The following ABTB2 variants were observed in gnomAD, a reference collection of about 807,000 sequenced individuals.
ABTB2 encodes ankyrin repeat and BTB/POZ domain-containing protein 2.
ABTB2 carries 56 observed loss-of-function variants against 104.1 expected under a neutral mutation model. That is an observed-to-expected ratio of 0.54 (90% CI 0.43 to 0.67). The LOEUF (loss-of-function observed/expected upper bound fraction) is 0.67, where lower values mean the gene tolerates loss of function less well. ABTB2 is among the 30% of genes least tolerant of loss of function. ABTB2 has a pLI of 0.00. For synonymous variants in ABTB2, 606 were observed against 608.2 expected, an observed-to-expected ratio of 1.00 and a Z score of 0.05; for missense variants, 1,279 against 1,407.7, an observed-to-expected ratio of 0.91 and a Z score of 1.46.
intron 1 of ABTB2, among the ~76,000 whole-genome samples, chr11:34,286,356 G>A (rs1459881570): frequency 1.3e-5 from 2 of 152,096 alleles, no homozygotes; most frequent in East Asian, 1.9e-4. Context: ...TCAGTGGCAC[G>A]ATCTCGGCTC....
At chr11:34,284,859 G>T (rs1469244521) in intron 1 of ABTB2, among the ~76,000 whole-genome samples, 2 of 152,254 alleles carry the variant, frequency 1.3e-5, no homozygotes, top group Non-Finnish European at 2.9e-5. Context: ...ACCGCCTGGA[G>T]CCAGAGGGGT....
intron 1 of ABTB2, among the ~76,000 whole-genome samples, chr11:34,322,892 G>T (rs931640623): frequency 6.6e-6 from 1 of 151,940 alleles, no homozygotes; most frequent in African/African-American, 2.4e-5. Flanking sequence ...TTGCCTAGGT[G>T]GGAACAAATG....
At position 34,356,747 on chromosome 11, in the gene ABTB2, G is replaced by T; in HGVS notation, c.837C>A (p.Gly279=). The change falls in exon 1 of 17, where the codon GGC becomes GGA. Residue 279 remains glycine, a synonymous_variant. Transcript: ENST00000435224. This position sits in a 1 kb window ranked among gnomAD's most constrained non-coding sequence, Gnocchi z 4.6. The part of the protein sequence containing the change: ...MVINNDAELW[G]VLQPYEHLIC... ...TGAGATGCTCATAGGGCTGCAAGAC[G>T]CCCCAGAGCTCGGCGTCGTTGTTGA... 1 of 1,610,364 alleles carries T rather than the reference G, an allele frequency of 6.2e-7. No individual in the cohort carries two copies. Among genetic ancestry groups the T allele is most frequent in the Non-Finnish European group, 8.5e-7 (1 of 1,177,836 alleles).
At chr11:34,159,846 A>G (rs1852683188) in intron 13 of ABTB2, 60 bp downstream of exon 13, 1 of 1,372,704 alleles carries the variant, frequency 7.3e-7, no homozygotes, top group Non-Finnish European at 1.0e-6. Context: ...GTCACCTGGA[A>G]TCTGAAACAA....
At chr11:34,317,389 T>C (rs916840346) in intron 1 of ABTB2, among the ~76,000 whole-genome samples, 1 of 152,142 alleles carries the variant, frequency 6.6e-6, no homozygotes, top group Non-Finnish European at 1.5e-5. Flanking sequence ...CTTGTATTTT[T>C]CCCTTGATTG....
rs368170125 is a variant in ABTB2 at position 34,232,414 on chromosome 11, C to A, written c.884-27724G>T. On this transcript the variant is annotated intron_variant, in intron 1 of 16. Coordinates refer to ENST00000435224, the MANE Select transcript of ABTB2 (RefSeq NM_145804.3). ...GCAGTGAGCTGAGATCGCGCCACTG[C>A]ACTCCAGCCTGGGCAATAGAGGGAG... Among the ~76,000 whole-genome samples, 11 of 148,756 alleles carry A rather than the reference C, an allele frequency of 7.4e-5. No individual in the cohort carries two copies. The East Asian group carries it at 1.4e-3, about 19-fold the overall frequency.
At chr11:34,345,042 C>T (rs1037896177) in intron 1 of ABTB2, among the ~76,000 whole-genome samples, 1 of 152,206 alleles carries the variant, frequency 6.6e-6, no homozygotes, top group Non-Finnish European at 1.5e-5. Flanking sequence ...ATACTAAAGT[C>T]AATTTCCAAC....
At chr11:34,351,765 A>G (rs1369503576) in intron 1 of ABTB2, among the ~76,000 whole-genome samples, 2 of 152,060 alleles carry the variant, frequency 1.3e-5, no homozygotes, top group Non-Finnish European at 2.9e-5. Context: ...AGACACACAC[A>G]AGCAGGAAAT....
rs1428664663 is a variant in ABTB2, at chr11:34,333,994, C to A, written c.883+22707G>T. Among the ~76,000 whole-genome samples the A allele has an allele frequency of 4.9e-5, 7 of 143,588 alleles. No homozygotes were observed. The Admixed American group carries it at 5.0e-4, about 10-fold the overall frequency. 94.2% of individuals were successfully genotyped at this position (143,588 alleles called of 152,430 possible). On this transcript the variant is annotated intron_variant, in intron 1 of 16. Coordinates refer to ENST00000435224, the MANE Select transcript of ABTB2 (RefSeq NM_145804.3). ...AACATCTTGGTGCTTCCCCTTTCCACTAAGGGAAGGGAGCCACAGGTGAAA... is the reference window on the plus strand; with the variant it reads ...AACATCTTGGTGCTTCCCCTTTCCAATAAGGGAAGGGAGCCACAGGTGAAA...
At chr11:34,336,074 C>T in intron 1 of ABTB2, 1 of 350,872 alleles carries the variant, frequency 2.9e-6, no homozygotes. Context: ...CCACTGTCTC[C>T]AGCTGTCCCA....
At position 34,154,772 on chromosome 11, in the gene ABTB2, G is replaced by C; in HGVS notation, c.2698-3C>G. 6.2e-7 allele frequency: 1 copy of C among 1,614,062 alleles called. No individual in the cohort carries two copies. The highest frequency in any genetic ancestry group is 8.5e-7 in the Non-Finnish European group (1 of 1,179,934). ...TAGTACAGATACTGCATCATCATCT[G>C]TGGTGGGAAGAGGCCCATGTGAATG... On this transcript the variant is annotated splice_region_variant and splice_polypyrimidine_tract_variant and intron_variant, in intron 14 of 16. Coordinates refer to ENST00000435224, the MANE Select transcript of ABTB2 (RefSeq NM_145804.3). This position sits in a 1 kb window ranked among gnomAD's most constrained non-coding sequence, Gnocchi z 4.9.
At chr11:34,303,636 C>CTTTTTTTTTT (rs35677380) in intron 1 of ABTB2, among the ~76,000 whole-genome samples, 1 of 79,088 alleles carries the variant, frequency 1.3e-5, no homozygotes, top group Non-Finnish European at 2.2e-5. Context: ...ACTATGGGTG[C>CTTTTTTTTTT]TTTTTTTTTT....
intron 1 of ABTB2, among the ~76,000 whole-genome samples, chr11:34,355,222 C>T (rs1055835053): frequency 6.6e-6 from 1 of 152,028 alleles, no homozygotes; most frequent in Non-Finnish European, 1.5e-5. Context: ...CTGGGCTAAT[C>T]AAAAAACAAA....
chr11:34,154,474 T>A lies in ABTB2; in HGVS notation c.2767-96A>T. On this transcript the variant is annotated intron_variant, in intron 15 of 16. Transcript: ENST00000435224. This position sits in a 1 kb window ranked among gnomAD's most constrained non-coding sequence, Gnocchi z 4.9. ...AGCTCCCGAGTGCCGTGTGCCCTGCTGCCTCCACCCTCAGGCCCCACTACC... is the reference window on the plus strand; with the variant it reads ...AGCTCCCGAGTGCCGTGTGCCCTGCAGCCTCCACCCTCAGGCCCCACTACC... 3 of 955,222 alleles carry A rather than the reference T, an allele frequency of 3.1e-6. No individual in the cohort carries two copies. Among genetic ancestry groups the A allele is most frequent in the Non-Finnish European group, 4.8e-6 (3 of 619,426 alleles). The allele number at this position is 955,222 out of a possible 1,614,324, so 59.2% of individuals were successfully genotyped here.
chr11:34,289,554 GA>G (rs1235102544), intron 1 of ABTB2, among the ~76,000 whole-genome samples: 9 of 152,252 alleles, frequency 5.9e-5, no homozygotes, highest in African/African-American at 1.9e-4. Flanking sequence ...AGCAGAGTTG[GA>G]ATTTACCCAT....
At chr11:34,256,427 A>G (rs1470095389) in intron 1 of ABTB2, among the ~76,000 whole-genome samples, 4 of 152,176 alleles carry the variant, frequency 2.6e-5, no homozygotes, top group Middle Eastern at 3.2e-3. Context: ...AGAGAAACAA[A>G]CCCGGTTTTG....
intron 1 of ABTB2, among the ~76,000 whole-genome samples, chr11:34,290,990 C>G (rs1205949093): frequency 1.3e-5 from 2 of 152,192 alleles, no homozygotes; most frequent in Non-Finnish European, 2.9e-5. Context: ...TGACGAAAAA[C>G]AGCATTTTAC....
At chr11:34,216,936 C>T (rs1853557398) in intron 1 of ABTB2, among the ~76,000 whole-genome samples, 1 of 152,204 alleles carries the variant, frequency 6.6e-6, no homozygotes, top group South Asian at 2.1e-4. Context: ...TTTACCATTT[C>T]CATGGCAACA....
intron 3 of ABTB2, 73 bp from the exon 4 acceptor site, chr11:34,173,380 G>T: frequency 2.0e-6 from 3 of 1,473,188 alleles, no homozygotes; most frequent in Non-Finnish European, 2.7e-6. Flanking sequence ...GGTCAGGCCT[G>T]GGAGGGTGCT....
Sources: allele counts gnomAD v4.1 joint callset (sites outside exome capture counted in the v4.1 genomes callset), GRCh38; gene constraint gnomAD v4.1.1; non-coding constraint Gnocchi (gnomAD v3.1); transcripts MANE v1.5; gene names NCBI Gene and HGNC (gene_info 2026-07-23, HGNC 2026-07-21).